WBP2: variants seen among roughly 807,000 people sequenced by gnomAD.
WBP2 encodes the protein WW domain-binding protein 2.
A neutral mutation model predicts 33.0 loss-of-function variants in WBP2; 23 were observed. That is an observed-to-expected ratio of 0.70 (90% CI 0.50 to 0.99). WBP2 has a LOEUF of 0.99. Ranked by LOEUF, WBP2 falls within the 50% of genes least tolerant of loss-of-function variation. The probability of loss-of-function intolerance (pLI) is 0.00; values close to 1 mark genes in which losing one functional copy is unlikely to be tolerated. For synonymous variants in WBP2, 153 were observed against 133.5 expected, an observed-to-expected ratio of 1.15 and a Z score of -1.01; for missense variants, 353 against 358.0, an observed-to-expected ratio of 0.99 and a Z score of 0.11.
chr17:75,849,777 C>G, intron 2 of WBP2, 38 bp from the exon 3 acceptor site: 1 of 1,608,576 alleles, frequency 6.2e-7, no homozygotes, highest in Non-Finnish European at 8.5e-7. Flanking sequence ...GTACTAGAAG[C>G]ACAGCCCACG....
At chr17:75,848,082 G>A (rs980319392) in intron 4 of WBP2, 152 bp from the exon 5 acceptor site, 25 of 1,070,226 alleles carry the variant, frequency 2.3e-5, no homozygotes, top group South Asian at 1.0e-4. Flanking sequence ...ACCCATACTC[G>A]GGGGGCCACC....
At chr17:75,848,876 C>T in intron 3 of WBP2, 1 of 589,282 alleles carries the variant, frequency 1.7e-6, no homozygotes, top group Non-Finnish European at 3.0e-6. Flanking sequence ...GCTGTACTCG[C>T]TTCCCCCTTT....
At chr17:75,852,927 G>T in intron 1 of WBP2, 1 of 332,802 alleles carries the variant, frequency 3.0e-6, no homozygotes, top group Non-Finnish European at 4.3e-6. Flanking sequence ...GAAAGTCCAT[G>T]AAGCCCTTGA....
At position 75,846,875 on chromosome 17, in the gene WBP2, T is replaced by C. The variant is rs766286685; in HGVS notation, c.732+33A>G. On this transcript the variant is annotated intron_variant, in intron 7 of 7. Transcript: ENST00000254806. This position sits in a 1 kb window ranked among gnomAD's most constrained non-coding sequence, Gnocchi z 4.8. The stretch of plus-strand genomic sequence containing the variant: ...CTGCGGCTCCCAGCATCTGCGGCTG[T>C]GGGGCTGCACCGGCACTGCCAAGCC... 8.1e-6 allele frequency: 13 copies of C among 1,613,116 alleles called. No homozygotes were observed. The highest frequency in any genetic ancestry group is 1.1e-5 in the Non-Finnish European group (13 of 1,179,776).
chr17:75,854,324 A>G (rs1281348003), intron 1 of WBP2, among the ~76,000 whole-genome samples: 1 of 152,132 alleles, frequency 6.6e-6, no homozygotes. Context: ...TCAAGAGGCA[A>G]TTCAGGGTCG....
chr17:75,855,159 T>TGCCCC, intron 1 of WBP2, 80 bp downstream of exon 1: 6 of 964,064 alleles, frequency 6.2e-6, no homozygotes, highest in African/African-American at 5.9e-5. Context: ...AGGGGCTTAT[T>TGCCCC]CCCCACCACC....
chr17:75,850,319 C>T (rs375235568), intron 2 of WBP2, among the ~76,000 whole-genome samples: 5 of 151,408 alleles, frequency 3.3e-5, no homozygotes, highest in Non-Finnish European at 7.4e-5. Context: ...GATCTTGGCT[C>T]GCTGCAAGCT....
upstream of WBP2, chr17:75,855,564 A>G (rs1022782123): frequency 1.9e-6 from 1 of 527,258 alleles, no homozygotes; most frequent in East Asian, 3.2e-5. Flanking sequence ...GGAAGGATGC[A>G]TTCTGGAACT....
rs772384559 is a variant in WBP2, at chr17:75,848,613, G to A, written c.354C>T (p.Gly118=). ...GCATCCGCTGTCCGAACTCAATGGC[G>A]CCCCCTGCCGTGAAAGTCAACTTGT... ...ASYKLTFTAG[G]AIEFGQRMLQ... Residue 118 remains glycine, a synonymous_variant, in exon 4 of 8, where the codon GGC becomes GGT. Coordinates refer to ENST00000254806, the MANE Select transcript of WBP2 (RefSeq NM_012478.4). 16 of 1,613,642 alleles carry A rather than the reference G, an allele frequency of 9.9e-6. No individual in the cohort carries two copies. Among genetic ancestry groups the A allele is most frequent in the East Asian group, 4.5e-5 (2 of 44,880 alleles).
At chr17:75,847,395 T>A in intron 6 of WBP2, 92 bp downstream of exon 6, 2 of 1,538,164 alleles carry the variant, frequency 1.3e-6, no homozygotes, top group Non-Finnish European at 8.8e-7. Flanking sequence ...TCTGCGGCTC[T>A]CAGCAGTCTC....
At chr17:75,853,675 T>G (rs1006454273) in intron 1 of WBP2, among the ~76,000 whole-genome samples, 2 of 152,140 alleles carry the variant, frequency 1.3e-5, no homozygotes, top group African/African-American at 4.8e-5. Flanking sequence ...CACACGGTTC[T>G]GTTTGTCTTC....
chr17:75,846,748 T>C lies in WBP2; in HGVS notation c.772A>G (p.Lys258Glu). 6.5e-7 allele frequency: 1 copy of C among 1,530,606 alleles called. No individual in the cohort carries two copies. Among genetic ancestry groups the C allele is most frequent in the Non-Finnish European group, 8.8e-7 (1 of 1,137,442 alleles). The allele number at this position is 1,530,606 out of a possible 1,614,324, so 94.8% of individuals were successfully genotyped here. Reference protein sequence around the residue: ...PPPPYYPPEDKKTQ With the variant: ...PPPPYYPPEDEKTQ ...GGCAGGAGGGCCTACTGGGTCTTCT[T>C]ATCTTCCGGTGGGTAGTAGGGAGGT... The change falls in exon 8 of 8, where the codon AAG becomes GAG. Residue 258 changes from lysine (K) to glutamate (E), a missense_variant. Coordinates refer to ENST00000254806, the MANE Select transcript of WBP2 (RefSeq NM_012478.4). This position sits in a 1 kb window ranked among gnomAD's most constrained non-coding sequence, Gnocchi z 4.8.
At position 75,849,653 on chromosome 17, in the gene WBP2, G is replaced by A. The variant is rs2065015983; in HGVS notation, c.255C>T (p.Pro85=). 3.7e-6 allele frequency: 6 copies of A among 1,614,026 alleles called. No homozygotes were observed. In the Admixed American group the frequency reaches 6.7e-5, roughly 18 times the overall value. Reference sequence around the variant, plus strand: ...CCTTGATGTAGTTTGCACCAAATACGGGCTGCTTGATCTCACAGTCTTTCA... The same window carrying A: ...CCTTGATGTAGTTTGCACCAAATACAGGCTGCTTGATCTCACAGTCTTTCA... ...YLMKDCEIKQ[P]VFGANYIKGT... is the part of the protein sequence containing the mutation. Residue 85 remains proline (P), a synonymous_variant, in exon 3 of 8, where the codon CCC becomes CCT. Coordinates refer to ENST00000254806, the MANE Select transcript of WBP2 (RefSeq NM_012478.4).
At position 75,846,584 on chromosome 17, in the gene WBP2, A is replaced by T; in HGVS notation, c.*150T>A. 9.5e-7 allele frequency: 1 copy of T among 1,050,266 alleles called. No homozygotes were observed. The highest frequency in any genetic ancestry group is 1.4e-6 in the Non-Finnish European group (1 of 699,380). The allele number at this position is 1,050,266 out of a possible 1,614,324, so 65.1% of individuals were successfully genotyped here. Reference sequence around the variant, plus strand: ...CACCTCTCCCGAGGCCGGGGGCCCTAATGTCCCACAATGCTAGTTCCTGGT... The same window carrying T: ...CACCTCTCCCGAGGCCGGGGGCCCTTATGTCCCACAATGCTAGTTCCTGGT... On this transcript the variant is annotated 3_prime_UTR_variant, in exon 8 of 8. Transcript: ENST00000254806. This position sits in a 1 kb window ranked among gnomAD's most constrained non-coding sequence, Gnocchi z 4.8.
At position 75,851,588 on chromosome 17, in the gene WBP2, C is replaced by T. The variant is rs1438011163; in HGVS notation, c.148G>A (p.Val50Ile). 1.9e-6 allele frequency: 3 copies of T among 1,613,616 alleles called. No individual in the cohort carries two copies. The highest frequency in any genetic ancestry group is 1.7e-6 in the Non-Finnish European group (2 of 1,179,594). The change falls in exon 2 of 8, where the codon GTC becomes ATC. Residue 50 changes from valine to isoleucine, a missense_variant. Val to Ile is a conservative substitution (Grantham distance 29). Transcript: ENST00000254806. ...CTCACCCGGTAAGGGGTAAGGTAGA[C>T]AGTGCCTTTCTTGGTCCCTTTGAAG... ...EAFKGTKKGT[V>I]YLTPYRVIFL...
chr17:75,850,803 C>A (rs2065023646), intron 2 of WBP2, among the ~76,000 whole-genome samples: 1 of 152,148 alleles, frequency 6.6e-6, no homozygotes, highest in South Asian at 2.1e-4. Context: ...TCCAGTTATT[C>A]TCCACCTTAC....
upstream of WBP2, chr17:75,855,338 G>A (rs1014201544): frequency 1.9e-6 from 3 of 1,607,086 alleles, no homozygotes; most frequent in Non-Finnish European, 2.5e-6. Context: ...AACGCAATGA[G>A]CTTGCGCCCC....
chr17:75,849,195 C>T (rs2143922319), intron 3 of WBP2, among the ~76,000 whole-genome samples: 1 of 152,324 alleles, frequency 6.6e-6, no homozygotes, highest in Non-Finnish European at 1.5e-5. Flanking sequence ...ATGCAGAGGT[C>T]TCTGGGGCCT....
At chr17:75,851,792 A>C in intron 1 of WBP2, 116 bp from the exon 2 acceptor site, 1 of 747,548 alleles carries the variant, frequency 1.3e-6, no homozygotes, top group Non-Finnish European at 2.4e-6. Flanking sequence ...ATAACCTCTC[A>C]ATAGTGCGGC....
Sources: gnomAD v4.1 joint callset for allele counts (sites outside exome capture counted in the v4.1 genomes callset) on GRCh38, gnomAD v4.1.1 for gene constraint, Gnocchi (gnomAD v3.1) non-coding constraint, MANE v1.5 for transcripts, NCBI Gene and HGNC (gene_info 2026-07-23, HGNC 2026-07-21) for gene names.